GP5: variants seen among roughly 807,000 people sequenced by gnomAD.
GP5 encodes platelet glycoprotein V.
For missense variants in GP5, 755 were observed against 737.1 expected, an observed-to-expected ratio of 1.02 and a Z score of -0.28; for synonymous variants, 382 against 353.9, an observed-to-expected ratio of 1.08 and a Z score of -0.89.
At position 194,398,045 on chromosome 3, in the gene GP5, T is replaced by A; in HGVS notation, c.238A>T (p.Met80Leu). Reference protein sequence around the residue: ...FSGMTVLQRLMISDSHISAVA... With the variant: ...FSGMTVLQRLLISDSHISAVA... The stretch of plus-strand genomic sequence containing the variant: ...GCGGAAATGTGGCTGTCGGAGATCA[T>A]GAGGCGCTGCAGGACGGTCATGCCG... Residue 80 changes from methionine to leucine, a missense_variant, in exon 2 of 2, where the codon ATG becomes TTG. Physicochemically the swap from Met to Leu is conservative, Grantham distance 15 (BLOSUM62 2). Coordinates refer to ENST00000692618, the MANE Select transcript of GP5 (RefSeq NM_004488.2). The A allele has an allele frequency of 6.2e-7, 1 of 1,614,040 alleles. No homozygotes were observed. The highest frequency in any genetic ancestry group is 8.5e-7 in the Non-Finnish European group (1 of 1,179,992).
chr3:194,396,259 C>A lies in GP5; in HGVS notation c.*341G>T. 1 of 224,486 alleles carries A rather than the reference C, an allele frequency of 4.5e-6. No homozygotes were observed. The highest frequency in any genetic ancestry group is 8.7e-6 in the Non-Finnish European group (1 of 114,932). 13.9% of individuals were successfully genotyped at this position (224,486 alleles called of 1,614,324 possible). ...CCACCAGACGCCAAGCCAGGCACAG[C>A]GGAGCACGGATGGGTCCAACACAGT... On this transcript the variant is annotated 3_prime_UTR_variant, in exon 2 of 2. Transcript: ENST00000692618.
rs1305870855 is a variant in GP5 at position 194,397,158 on chromosome 3, C to A, written c.1125G>T (p.Leu375=). ...GGAAGAGGGCACGGGGCAGGGCGCG[C>A]AGCCTGTTGCGGCGCAGGGACACCT... is the stretch of plus-strand genomic sequence containing the variant. ...LRQVSLRRNR[L]RALPRALFRN... is the part of the protein sequence containing the mutation. The change falls in exon 2 of 2, where the codon CTG becomes CTT. Residue 375 remains leucine, a synonymous_variant. Coordinates refer to ENST00000692618, the MANE Select transcript of GP5 (RefSeq NM_004488.2). The surrounding 1 kb of genome is among the most constrained non-coding windows in gnomAD (Gnocchi z 7.2). The A allele has an allele frequency of 1.3e-6, 2 of 1,582,054 alleles. No individual in the cohort carries two copies. Among genetic ancestry groups the A allele is most frequent in the Non-Finnish European group, 1.7e-6 (2 of 1,172,220 alleles).
In GP5 at chr3:194,397,539, C is replaced by G; in HGVS notation, c.744G>C (p.Thr248=). ...GAAACGCAAGGTGGTTTCTCGAAAG[C>G]GTCAAAGAACTGAGGTTTGGGAGCC... ...FDRLPNLSSL[T]LSRNHLAFLP... The change falls in exon 2 of 2, where the codon ACG becomes ACC. Residue 248 remains threonine (T), a synonymous_variant. Coordinates refer to ENST00000692618, the MANE Select transcript of GP5 (RefSeq NM_004488.2). The surrounding 1 kb of genome is among the most constrained non-coding windows in gnomAD (Gnocchi z 7.2). 6.2e-7 allele frequency: 1 copy of G among 1,614,036 alleles called. No individual in the cohort carries two copies. The highest frequency in any genetic ancestry group is 1.1e-5 in the South Asian group (1 of 91,080).
At position 194,396,551 on chromosome 3, in the gene GP5, G is replaced by C. The variant is rs763148728; in HGVS notation, c.*49C>G. On this transcript the variant is annotated 3_prime_UTR_variant, in exon 2 of 2. Coordinates refer to ENST00000692618, the MANE Select transcript of GP5 (RefSeq NM_004488.2). ...CAGCAGCGGGTCTGGATTCCCCTCC[G>C]AGCCACATCTGGTCAGGTTCTAAGT... 1.3e-6 allele frequency: 2 copies of C among 1,497,838 alleles called. No homozygotes were observed. Among genetic ancestry groups the C allele is most frequent in the South Asian group, 2.6e-5 (2 of 75,526 alleles). 92.8% of individuals were successfully genotyped at this position (1,497,838 alleles called of 1,614,324 possible).
chr3:194,395,521 C>T lies in GP5; in HGVS notation c.*1079G>A, dbSNP rs1714428945. On this transcript the variant is annotated 3_prime_UTR_variant, in exon 2 of 2. Transcript: ENST00000692618. ...AGCAAGTGGAAACTCACAGGAGGCT[C>T]AGGAAACACGCTGGACCTACACTGG... 6.6e-6 allele frequency: 1 copy of T among 152,066 alleles called. No homozygotes were observed. Among genetic ancestry groups the T allele is most frequent in the South Asian group, 2.1e-4 (1 of 4,810 alleles). 9.4% of individuals were successfully genotyped at this position (152,066 alleles called of 1,614,324 possible).
chr3:194,395,051 G>A lies in GP5; in HGVS notation c.*1549C>T, dbSNP rs1293101975. ...TAACATTCATTAACATGTATTGCCT[G>A]CAGGCCGCTGGGCTAAGTCATTATA... On this transcript the variant is annotated 3_prime_UTR_variant, in exon 2 of 2. Coordinates refer to ENST00000692618, the MANE Select transcript of GP5 (RefSeq NM_004488.2). 2 of 152,234 alleles carry A rather than the reference G, an allele frequency of 1.3e-5. No individual in the cohort carries two copies. Among genetic ancestry groups the A allele is most frequent in the African/African-American group, 4.8e-5 (2 of 41,454 alleles). The allele number at this position is 152,234 out of a possible 1,614,324, so 9.4% of individuals were successfully genotyped here. A position where few individuals can be genotyped will look rare whatever the true frequency, so the allele number is the denominator to read the frequency against.
Position 194,396,448 on chromosome 3 carries a change from G to A in GP5, c.*152C>T. 1 of 626,346 alleles carries A rather than the reference G, an allele frequency of 1.6e-6. No individual in the cohort carries two copies. The highest frequency in any genetic ancestry group is 2.8e-6 in the Non-Finnish European group (1 of 358,144). The allele number at this position is 626,346 out of a possible 1,614,324, so 38.8% of individuals were successfully genotyped here. A position where few individuals can be genotyped will look rare whatever the true frequency, so the allele number is the denominator to read the frequency against. On this transcript the variant is annotated 3_prime_UTR_variant, in exon 2 of 2. Coordinates refer to ENST00000692618, the MANE Select transcript of GP5 (RefSeq NM_004488.2). ...AAGAGCACAGAGCGGAGAGGGGGAG[G>A]AGGAGGGAAAGGAAGGCGTGGCAGT... is the stretch of plus-strand genomic sequence containing the variant.
At position 194,396,876 on chromosome 3, in the gene GP5, G is replaced by A. The variant is rs749035045; in HGVS notation, c.1407C>T (p.Asp469=). Residue 469 remains aspartate (D), a synonymous_variant, in exon 2 of 2, where the codon GAC becomes GAT. Coordinates refer to ENST00000692618, the MANE Select transcript of GP5 (RefSeq NM_004488.2). Reference sequence around the variant, plus strand: ...GGCCCCGGGGGCCCGGGCACTCCGCGTCACCCCCCGGCAGGGCCCAGAGCG... The same window carrying A: ...GGCCCCGGGGGCCCGGGCACTCCGCATCACCCCCCGGCAGGGCCCAGAGCG... ...GLPLWALPGG[D]AECPGPRGPP... 4 of 1,536,074 alleles carry A rather than the reference G, an allele frequency of 2.6e-6. No individual in the cohort carries two copies. In the African/African-American group the frequency reaches 4.2e-5, roughly 16 times the overall value.
In GP5 at chr3:194,397,541, T is replaced by A. The variant is rs1463799288; in HGVS notation, c.742A>T (p.Thr248Ser). Reference sequence around the variant, plus strand: ...AACGCAAGGTGGTTTCTCGAAAGCGTCAAAGAACTGAGGTTTGGGAGCCGG... The same window carrying A: ...AACGCAAGGTGGTTTCTCGAAAGCGACAAAGAACTGAGGTTTGGGAGCCGG... ...FDRLPNLSSL[T>S]LSRNHLAFLP... Residue 248 changes from threonine (T) to serine (S), a missense_variant, in exon 2 of 2, where the codon ACG becomes TCG. By Grantham distance (58) the Thr-to-Ser change is moderately conservative. Coordinates refer to ENST00000692618, the MANE Select transcript of GP5 (RefSeq NM_004488.2). This position sits in a 1 kb window ranked among gnomAD's most constrained non-coding sequence, Gnocchi z 7.2. The A allele has an allele frequency of 6.2e-7, 1 of 1,613,904 alleles. No individual in the cohort carries two copies.
rs1037141464 is a variant in GP5 at position 194,396,511 on chromosome 3, G to C, written c.*89C>G. The C allele has an allele frequency of 2.5e-5, 25 of 1,015,648 alleles. No homozygotes were observed. In the African/African-American group the frequency reaches 3.4e-4, roughly 14 times the overall value. The allele number at this position is 1,015,648 out of a possible 1,614,324, so 62.9% of individuals were successfully genotyped here. ...GAAGAAGAGAGGAGGAGTGGGGAGG[G>C]GAGGGAGAGCAAGACAGCAGCGGGT... On this transcript the variant is annotated 3_prime_UTR_variant, in exon 2 of 2. Transcript: ENST00000692618.
Position 194,397,421 on chromosome 3 carries a change from C to G in GP5, c.862G>C (p.Glu288Gln). The G allele has an allele frequency of 1.2e-6, 2 of 1,612,992 alleles. No homozygotes were observed. The highest frequency in any genetic ancestry group is 1.7e-6 in the Non-Finnish European group (2 of 1,179,862). The change falls in exon 2 of 2, where the codon GAG becomes CAG. Residue 288 changes from glutamate to glutamine, a missense_variant. Coordinates refer to ENST00000692618, the MANE Select transcript of GP5 (RefSeq NM_004488.2). The surrounding 1 kb of genome is among the most constrained non-coding windows in gnomAD (Gnocchi z 7.2). ...LAELPGVLFG[E>Q]MGGLQELWLN... ...CACAGCTCCTGCAGGCCCCCCATCT[C>G]CCCGAAGAGCACCCCCGGGAGCTCT...
Position 194,398,114 on chromosome 3 carries a change from G to C in GP5, c.169C>G (p.Leu57Val). 1 of 1,613,616 alleles carries C rather than the reference G, an allele frequency of 6.2e-7. No individual in the cohort carries two copies. Among genetic ancestry groups the C allele is most frequent in the South Asian group, 1.1e-5 (1 of 91,076 alleles). ...GLPTNLTHIL[L>V]FGMGRGVLQS... ...AGGACGCCGCGGCCCATTCCGAAGA[G>C]CAGGATGTGCGTGAGGTTGGTGGGC... Residue 57 changes from leucine (L) to valine (V), a missense_variant, in exon 2 of 2, where the codon CTC (leucine) becomes GTC (valine). Transcript: ENST00000692618.
chr3:194,398,262 C>T lies in GP5; in HGVS notation c.21G>A (p.Leu7=). The change falls in exon 2 of 2, where the codon CTG becomes CTA. Residue 7 remains leucine, a synonymous_variant. Transcript: ENST00000692618. ...CGCGCAGAAGCCCGAGCACCGCGCA[C>T]AGTAGAGTCCCCCTCAGCATGTCTG... The part of the protein sequence containing the change: MLRGTL[L]CAVLGLLRAQ... 6.2e-7 allele frequency: 1 copy of T among 1,606,312 alleles called. No individual in the cohort carries two copies. The highest frequency in any genetic ancestry group is 1.1e-5 in the South Asian group (1 of 90,438).
At chr3:194,398,918 AGT>A (rs1479327205) in intron 1 of GP5, among the ~76,000 whole-genome samples, 1 of 152,234 alleles carries the variant, frequency 6.6e-6, no homozygotes, top group Non-Finnish European at 1.5e-5. Context: ...TTAGGAGGTA[AGT>A]ATATTATCCC....
Position 194,397,272 on chromosome 3 carries a change from G to A in GP5, c.1011C>T (p.Gly337=). 1 of 1,580,562 alleles carries A rather than the reference G, an allele frequency of 6.3e-7. No individual in the cohort carries two copies. Among genetic ancestry groups the A allele is most frequent in the Non-Finnish European group, 8.5e-7 (1 of 1,171,104 alleles). ...GGGCGAGCACCTGGAGCTCGCCAAG[G>A]CCCTGGAAGGCGCCCTGCGGAAGCG... ...LSALPQGAFQ[G]LGELQVLALH... is the part of the protein sequence containing the mutation. Residue 337 remains glycine, a synonymous_variant, in exon 2 of 2, where the codon GGC becomes GGT. Transcript: ENST00000692618. This position sits in a 1 kb window ranked among gnomAD's most constrained non-coding sequence, Gnocchi z 7.2.
intron 1 of GP5, among the ~76,000 whole-genome samples, 149 bp downstream of exon 1, chr3:194,399,089 A>G (rs1714539016): frequency 6.6e-6 from 1 of 152,204 alleles, no homozygotes; most frequent in East Asian, 1.9e-4. Flanking sequence ...TTTCTGGGAA[A>G]TGCACACCAT....
rs756480098 is a variant in GP5 at position 194,396,590 on chromosome 3, T to C, written c.*10A>G. On this transcript the variant is annotated 3_prime_UTR_variant, in exon 2 of 2. Transcript: ENST00000692618. ...CAGGTTCTAAGTAATTAGAAGATTT[T>C]CCCATTGGTTTACCCAAGGGCTCTC... The C allele has an allele frequency of 6.3e-7, 1 of 1,594,194 alleles. No homozygotes were observed. The highest frequency in any genetic ancestry group is 8.6e-7 in the Non-Finnish European group (1 of 1,169,336).
In GP5 at chr3:194,396,812, G is replaced by C. The variant is rs1412503708; in HGVS notation, c.1471C>G (p.Pro491Ala). 1.2e-6 allele frequency: 2 copies of C among 1,604,690 alleles called. No individual in the cohort carries two copies. The highest frequency in any genetic ancestry group is 1.7e-6 in the Non-Finnish European group (2 of 1,175,600). ...RPAADSSSEAPVHPALAPNSS... is the reference protein window; with the variant it reads ...RPAADSSSEAAVHPALAPNSS... ...TTGGGAGCCAAGGCTGGGTGGACAG[G>C]GGCTTCCGAGGAGCTGTCCGCAGCG... The change falls in exon 2 of 2, where the codon CCT becomes GCT. Residue 491 changes from proline to alanine, a missense_variant. Pro to Ala is a conservative substitution (Grantham distance 27). Coordinates refer to ENST00000692618, the MANE Select transcript of GP5 (RefSeq NM_004488.2).
chr3:194,397,037 C>A lies in GP5; in HGVS notation c.1246G>T (p.Val416Phe), dbSNP rs770033096. Residue 416 changes from valine (V) to phenylalanine (F), a missense_variant, in exon 2 of 2, where the codon GTC (valine) becomes TTC (phenylalanine). By Grantham distance (50) the Val-to-Phe change is conservative (BLOSUM62 -1). Transcript: ENST00000692618. The surrounding 1 kb of genome is among the most constrained non-coding windows in gnomAD (Gnocchi z 7.2). ...CGCCAGGAGTTGTGCCCCAACAGGA[C>A]CTCCGTCAGCCGGGGCAGAGCCCCA... Reference protein sequence around the residue: ...VFGALPRLTEVLLGHNSWRCD... With the variant: ...VFGALPRLTEFLLGHNSWRCD... The A allele has an allele frequency of 6.3e-7, 1 of 1,597,362 alleles. No individual in the cohort carries two copies. Among genetic ancestry groups the A allele is most frequent in the East Asian group, 2.2e-5 (1 of 44,776 alleles).
Sources: gnomAD v4.1 joint callset for allele counts (sites outside exome capture counted in the v4.1 genomes callset) on GRCh38, gnomAD v4.1.1 for gene constraint, Gnocchi (gnomAD v3.1) non-coding constraint, MANE v1.5 for transcripts, NCBI Gene and HGNC (gene_info 2026-07-23, HGNC 2026-07-21) for gene names.